The following TUBD1 variants were observed in gnomAD, a reference collection of about 807,000 sequenced individuals.
The protein encoded by TUBD1 is tubulin delta chain.
Under a neutral mutation model 51.2 loss-of-function variants are expected in TUBD1, and 38 were observed. The observed-to-expected ratio is 0.74, with a 90% CI of 0.57 to 0.97. The LOEUF (loss-of-function observed/expected upper bound fraction) is 0.97. Ranked by LOEUF, TUBD1 falls within the 50% of genes least tolerant of loss-of-function variation. The probability of loss-of-function intolerance (pLI) is 0.00; values close to 1 mark genes in which losing one functional copy is unlikely to be tolerated. For synonymous variants in TUBD1, 169 were observed against 178.2 expected, an observed-to-expected ratio of 0.95 and a Z score of 0.41; for missense variants, 489 against 538.4, an observed-to-expected ratio of 0.91 and a Z score of 0.91.
chr17:59,880,225 A>AT (rs1188152607), intron 4 of TUBD1, among the ~76,000 whole-genome samples: 1 of 151,594 alleles, frequency 6.6e-6, no homozygotes, highest in Admixed American at 6.6e-5. Context: ...TGCCCAGCTA[A>AT]TTTTTGTATT....
In TUBD1 at chr17:59,881,118, A is replaced by G; in HGVS notation, c.321-8T>C. ...GGTCCATGAACAGAGTAACTATGCA[A>G]TGGCAAAAGAAACAAACACAAACAC... On this transcript the variant is annotated splice_polypyrimidine_tract_variant and splice_region_variant and intron_variant, in intron 3 of 8. Coordinates refer to ENST00000325752, the MANE Select transcript of TUBD1 (RefSeq NM_016261.4). The G allele has an allele frequency of 1.3e-6, 2 of 1,597,510 alleles. No homozygotes were observed. The highest frequency in any genetic ancestry group is 1.7e-6 in the Non-Finnish European group (2 of 1,165,368).
At chr17:59,870,444 C>T (rs934375502) in intron 6 of TUBD1, among the ~76,000 whole-genome samples, 2 of 139,206 alleles carry the variant, frequency 1.4e-5, no homozygotes, top group Non-Finnish European at 3.1e-5. Flanking sequence ...AACTAAAAAT[C>T]TATTTGAGAA....
At chr17:59,881,983 G>GAT (rs1405727523) in intron 3 of TUBD1, among the ~76,000 whole-genome samples, 1 of 151,972 alleles carries the variant, frequency 6.6e-6, no homozygotes, top group Non-Finnish European at 1.5e-5. Flanking sequence ...TTACTATTTT[G>GAT]ATATATACAA....
intron 5 of TUBD1, among the ~76,000 whole-genome samples, chr17:59,874,910 C>A (rs1183310864): frequency 6.6e-6 from 1 of 151,960 alleles, no homozygotes; most frequent in African/African-American, 2.4e-5. Flanking sequence ...CTGACTTGAG[C>A]ATGAGTGAGA....
intron 3 of TUBD1, among the ~76,000 whole-genome samples, chr17:59,882,955 T>C (rs2040555585): frequency 6.7e-6 from 1 of 149,790 alleles, no homozygotes; most frequent in Admixed American, 6.7e-5. Flanking sequence ...CAGCTAATTT[T>C]TGTATTTTTA....
At chr17:59,865,382 C>G (rs1489335012) in intron 7 of TUBD1, among the ~76,000 whole-genome samples, 2 of 151,354 alleles carry the variant, frequency 1.3e-5, no homozygotes, top group Non-Finnish European at 2.9e-5. Flanking sequence ...CAGTTTGAGA[C>G]CAGCCTGGTC....
chr17:59,868,609 G>T (rs183948216), intron 6 of TUBD1, among the ~76,000 whole-genome samples: 13 of 151,918 alleles, frequency 8.6e-5, no homozygotes, highest in East Asian at 1.9e-4. Flanking sequence ...CGAGGCAGAG[G>T]GGGGGGATCA....
chr17:59,882,569 T>C (rs1302494979), intron 3 of TUBD1, among the ~76,000 whole-genome samples: 1 of 151,802 alleles, frequency 6.6e-6, no homozygotes, highest in Non-Finnish European at 1.5e-5. Flanking sequence ...TTACAGGTAT[T>C]AGCCACGGCA....
chr17:59,889,486 G>A (rs1470729209), intron 2 of TUBD1, among the ~76,000 whole-genome samples: 1 of 150,592 alleles, frequency 6.6e-6, no homozygotes, highest in African/African-American at 2.4e-5. Flanking sequence ...GACCAACATG[G>A]TAAAACCCCA....
At chr17:59,872,465 A>C (rs1426962479) in intron 6 of TUBD1, among the ~76,000 whole-genome samples, 3 of 152,140 alleles carry the variant, frequency 2.0e-5, no homozygotes, top group Non-Finnish European at 2.9e-5. Context: ...CAACTGAATA[A>C]ATATAATGAT....
chr17:59,891,303 G>C (rs186082886), intron 1 of TUBD1, among the ~76,000 whole-genome samples: 127 of 151,782 alleles, frequency 8.4e-4, no homozygotes, highest in African/African-American at 2.8e-3. Flanking sequence ...GCTAATTTTT[G>C]TATTCTTAGT....
intron 2 of TUBD1, 123 bp from the exon 3 acceptor site, chr17:59,886,353 GT>G: frequency 9.7e-7 from 1 of 1,035,602 alleles, no homozygotes; most frequent in Non-Finnish European, 1.4e-6. Context: ...AGGGGTTGTG[GT>G]TAGAAAGATC....
At chr17:59,888,608 T>C (rs1332914972) in intron 2 of TUBD1, among the ~76,000 whole-genome samples, 1 of 152,104 alleles carries the variant, frequency 6.6e-6, no homozygotes, top group Non-Finnish European at 1.5e-5. Context: ...TGTAGCAAAC[T>C]ATGACAGTGA....
chr17:59,884,963 C>A, intron 3 of TUBD1: 1 of 224,612 alleles, frequency 4.5e-6, no homozygotes, highest in Non-Finnish European at 9.0e-6. Context: ...CAGGGCTTTA[C>A]CCCAAACCAC....
At position 59,890,933 on chromosome 17, in the gene TUBD1, G is replaced by A. The variant is rs1296942931; in HGVS notation, c.70C>T (p.Leu24Phe). The A allele has an allele frequency of 6.2e-7, 1 of 1,613,782 alleles. No homozygotes were observed. The highest frequency in any genetic ancestry group is 8.5e-7 in the Non-Finnish European group (1 of 1,179,954). The change falls in exon 2 of 9, where the codon CTT becomes TTT. Residue 24 changes from leucine to phenylalanine, a missense_variant. Physicochemically the swap from Leu to Phe is conservative, Grantham distance 22. Transcript: ENST00000325752. Reference protein sequence around the residue: ...QIGFEVFDALLSDSHSSQGLC... With the variant: ...QIGFEVFDALFSDSHSSQGLC... ...CCCTGGGAACTGTGTGAGTCACTAA[G>A]CAAAGCATCAAAAACTTCAAAACCA... is the stretch of plus-strand genomic sequence containing the variant.
At chr17:59,889,967 CA>C (rs35427875) in intron 2 of TUBD1, among the ~76,000 whole-genome samples, 14,428 of 69,360 alleles carry the variant, frequency 0.21, 663 homozygotes, top group Middle Eastern at 0.28. Flanking sequence ...GAGACTCTCT[CA>C]AAAAAAAAAA....
At position 59,886,235 on chromosome 17, in the gene TUBD1, A is replaced by AG. The variant is rs773257744; in HGVS notation, c.173-6dup. ...GAACAGCCCGGGCAATTGGAACTAG[A>AG]GGGGGAAAAAAACCCAAAAACATCG... On this transcript the variant is annotated splice_polypyrimidine_tract_variant and splice_region_variant and intron_variant, in intron 2 of 8. Transcript: ENST00000325752. 6 of 1,600,046 alleles carry AG rather than the reference A, an allele frequency of 3.7e-6. No homozygotes were observed. The South Asian group carries it at 6.8e-5, about 18-fold the overall frequency.
At chr17:59,880,755 C>T in intron 4 of TUBD1, 139 bp downstream of exon 4, 1 of 726,200 alleles carries the variant, frequency 1.4e-6, no homozygotes. Flanking sequence ...ACCTCACGAT[C>T]CGCCCGCCTT....
At chr17:59,873,258 T>TTG (rs201184664) in intron 6 of TUBD1, among the ~76,000 whole-genome samples, 1 of 148,406 alleles carries the variant, frequency 6.7e-6, no homozygotes, top group East Asian at 2.0e-4. Context: ...TTTGTTGTTG[T>TTG]TTTTTTTTTG....
Sources: gnomAD v4.1 joint callset for allele counts (sites outside exome capture counted in the v4.1 genomes callset) on GRCh38, gnomAD v4.1.1 for gene constraint, MANE v1.5 for transcripts, NCBI Gene and HGNC (gene_info 2026-07-23, HGNC 2026-07-21) for gene names.